The following GRXCR2 variants were observed in gnomAD, a reference collection of about 807,000 sequenced individuals.
The protein encoded by GRXCR2 is glutaredoxin and cysteine rich domain containing 2.
GRXCR2 carries 23 observed loss-of-function variants against 24.8 expected under a neutral mutation model. The ratio of observed to expected loss-of-function variants is 0.93; its 90% CI spans 0.67 to 1.32. The LOEUF (loss-of-function observed/expected upper bound fraction) is 1.32. Ranked by LOEUF, GRXCR2 falls within the 40% of genes most tolerant of loss-of-function variation. The probability of loss-of-function intolerance (pLI) is 0.00; values close to 1 mark genes in which losing one functional copy is unlikely to be tolerated. For missense variants in GRXCR2, 315 were observed against 303.4 expected (o/e 1.04, Z -0.28); for synonymous variants, 130 against 116.1 (o/e 1.12, Z -0.77).
At chr5:145,897,183 T>G (rs978506558) in intron 2 of GRXCR2, among the ~76,000 whole-genome samples, 4 of 150,634 alleles carry the variant, frequency 2.7e-5, no homozygotes, top group African/African-American at 9.7e-5. Context: ...TGTTAAATGA[T>G]GAGTTAATGG....
upstream of GRXCR2, among the ~76,000 whole-genome samples, chr5:145,873,548 G>T (rs1208094343): frequency 1.3e-5 from 2 of 152,154 alleles, no homozygotes. Flanking sequence ...ACAGAGCAGG[G>T]ATTTGAACCC....
intron 2 of GRXCR2, among the ~76,000 whole-genome samples, chr5:145,890,950 A>G (rs1365390088): frequency 6.6e-6 from 1 of 152,218 alleles, no homozygotes; most frequent in Non-Finnish European, 1.5e-5. Context: ...ACAAATAGAA[A>G]TCAAGAAAAA....
At chr5:145,880,419 T>G (rs893452616) in intron 2 of GRXCR2, among the ~76,000 whole-genome samples, 1 of 151,960 alleles carries the variant, frequency 6.6e-6, no homozygotes, top group Non-Finnish European at 1.5e-5. Context: ...CATAAACACG[T>G]CTATGCAAAT....
chr5:145,865,054 G>A lies in GRXCR2; in HGVS notation c.564+1447C>T, dbSNP rs543427244. Among the ~76,000 whole-genome samples, 4 of 152,206 alleles carry A rather than the reference G, an allele frequency of 2.6e-5. No individual in the cohort carries two copies. The South Asian group carries it at 8.3e-4, about 32-fold the overall frequency. On this transcript the variant is annotated intron_variant, in intron 2 of 2. Transcript: ENST00000377976. ...GATATGGGAGAAATGAGATAAGAAG[G>A]AGCCTTTGGTGCCTCTTGTCTAAGG...
intron 2 of GRXCR2, among the ~76,000 whole-genome samples, chr5:145,928,287 AC>A (rs1757429575): frequency 1.3e-5 from 2 of 152,144 alleles, no homozygotes; most frequent in South Asian, 4.1e-4. Context: ...AAATAGGAAC[AC>A]TTTTACACTG....
At chr5:145,892,048 T>G (rs1019304474) in intron 2 of GRXCR2, among the ~76,000 whole-genome samples, 3 of 151,908 alleles carry the variant, frequency 2.0e-5, no homozygotes, top group African/African-American at 7.3e-5. Flanking sequence ...TCCAGCAAAC[T>G]CCAACAGACC....
intron 2 of GRXCR2, among the ~76,000 whole-genome samples, chr5:145,930,755 G>C (rs1757466384): frequency 6.6e-6 from 1 of 152,128 alleles, no homozygotes; most frequent in African/African-American, 2.4e-5. Context: ...GAACCATCTG[G>C]CATCTGGTTC....
At chr5:145,926,452 C>T (rs1406137579) in intron 2 of GRXCR2, among the ~76,000 whole-genome samples, 1 of 152,080 alleles carries the variant, frequency 6.6e-6, no homozygotes, top group East Asian at 1.9e-4. Flanking sequence ...ATATGGCTAG[C>T]CAGTTTTCCC....
intron 1 of GRXCR2, among the ~76,000 whole-genome samples, chr5:145,870,884 A>G (rs1756517667): frequency 6.6e-6 from 1 of 152,120 alleles, no homozygotes; most frequent in Non-Finnish European, 1.5e-5. Context: ...CACATAGAGT[A>G]CTGTGTTTTA....
At chr5:145,891,826 G>T (rs1429688533) in intron 2 of GRXCR2, among the ~76,000 whole-genome samples, 1 of 152,196 alleles carries the variant, frequency 6.6e-6, no homozygotes, top group African/African-American at 2.4e-5. Flanking sequence ...AAAAAGGACA[G>T]ACTGCCTCCT....
rs540221831 is a variant in GRXCR2, at chr5:145,889,395, C to T, written c.-69-22667G>A. On this transcript the variant is annotated intron_variant, in intron 2 of 3. Coordinates refer to the GRXCR2 transcript ENST00000639411. ...ACCACTAAAGAACTTACTCATGTAA[C>T]CAAATACCACCTGTGCCCCAATAAC... 2.0e-5 allele frequency among the ~76,000 whole-genome samples: 3 copies of T among 152,092 alleles called. No homozygotes were observed. The East Asian group carries it at 5.8e-4, about 29-fold the overall frequency.
chr5:145,869,702 C>T (rs57295851), intron 1 of GRXCR2, among the ~76,000 whole-genome samples: 3,161 of 152,054 alleles, frequency 0.021, 110 homozygotes, highest in African/African-American at 0.072. Context: ...GGACTACAGG[C>T]GCCCGCCACC....
intron 2 of GRXCR2, among the ~76,000 whole-genome samples, chr5:145,929,199 C>CTATATG (rs1757445958): frequency 8.6e-6 from 1 of 116,508 alleles, no homozygotes; most frequent in Middle Eastern, 4.1e-3. Flanking sequence ...ATATTCCCCC[C>CTATATG]TATATATATA....
chr5:145,903,043 T>A (rs945918960), intron 2 of GRXCR2, among the ~76,000 whole-genome samples: 2 of 152,168 alleles, frequency 1.3e-5, no homozygotes, highest in Non-Finnish European at 2.9e-5. Flanking sequence ...ATTTTTTGCC[T>A]TAGAACAAAT....
At chr5:145,892,898 C>T (rs1207992516) in intron 2 of GRXCR2, among the ~76,000 whole-genome samples, 1 of 152,176 alleles carries the variant, frequency 6.6e-6, no homozygotes, top group Non-Finnish European at 1.5e-5. Flanking sequence ...TTGGCTTACC[C>T]ACAAAGGGAA....
chr5:145,869,006 T>C (rs962528554), intron 1 of GRXCR2, among the ~76,000 whole-genome samples: 4 of 152,222 alleles, frequency 2.6e-5, no homozygotes, highest in Non-Finnish European at 5.9e-5. Flanking sequence ...GTGCACAGAA[T>C]GGCAACCTGT....
chr5:145,913,840 T>C (rs1370525938), intron 2 of GRXCR2, among the ~76,000 whole-genome samples: 2 of 151,966 alleles, frequency 1.3e-5, no homozygotes, highest in Admixed American at 6.6e-5. Flanking sequence ...CAATAATCTT[T>C]AAAAAAATAA....
chr5:145,913,939 C>T (rs1757199091), intron 2 of GRXCR2, among the ~76,000 whole-genome samples: 1 of 152,322 alleles, frequency 6.6e-6, no homozygotes, highest in Admixed American at 6.5e-5. Context: ...CGCTATGAAA[C>T]ACACTCAGGC....
chr5:145,896,891 C>T (rs559037079), intron 2 of GRXCR2, among the ~76,000 whole-genome samples: 1 of 152,184 alleles, frequency 6.6e-6, no homozygotes, highest in East Asian at 1.9e-4. Context: ...AGCCAAATGT[C>T]CAAGAATGAT....
Sources: gnomAD v4.1 joint callset for allele counts (sites outside exome capture counted in the v4.1 genomes callset) on GRCh38, gnomAD v4.1.1 for gene constraint, MANE v1.5 for transcripts, NCBI Gene and HGNC (gene_info 2026-07-23, HGNC 2026-07-21) for gene names.